MAP4K4: variants seen among roughly 807,000 people sequenced by gnomAD.
The protein encoded by MAP4K4 is mitogen-activated protein kinase kinase kinase kinase 4, also known as HPK/GCK-like kinase HGK.
A neutral mutation model predicts 189.6 loss-of-function variants in MAP4K4; 38 were observed. That is an observed-to-expected ratio of 0.20 (90% confidence interval 0.15 to 0.26). The LOEUF is 0.26. Among genes scored for constraint, MAP4K4 ranks in the 10% least tolerant of loss-of-function variants. MAP4K4 has a pLI of 1.00. For missense variants in MAP4K4, 1,054 were observed against 1,726.9 expected, an observed-to-expected ratio of 0.61 and a Z score of 6.91; for synonymous variants, 610 against 624.3, an observed-to-expected ratio of 0.98 and a Z score of 0.34.
At chr2:101,813,490 T>C (rs1354118899) in intron 3 of MAP4K4, among the ~76,000 whole-genome samples, 1 of 152,220 alleles carries the variant, frequency 6.6e-6, no homozygotes, top group Non-Finnish European at 1.5e-5. Context: ...TTTAATCACA[T>C]ATTGAAGATC....
At chr2:101,793,432 T>C (rs2093264396) in intron 3 of MAP4K4, among the ~76,000 whole-genome samples, 1 of 152,148 alleles carries the variant, frequency 6.6e-6, no homozygotes, top group Admixed American at 6.5e-5. Flanking sequence ...GTTGTAGGCA[T>C]TGGCCTGGCT....
At chr2:101,710,581 T>G (rs1486162046) in intron 2 of MAP4K4, among the ~76,000 whole-genome samples, 1 of 152,208 alleles carries the variant, frequency 6.6e-6, no homozygotes, top group Non-Finnish European at 1.5e-5. Context: ...TATGCCCTTG[T>G]GTAGCGTATA....
At chr2:101,806,523 G>A (rs1218353185) in intron 3 of MAP4K4, among the ~76,000 whole-genome samples, 2 of 151,990 alleles carry the variant, frequency 1.3e-5, no homozygotes, top group Non-Finnish European at 2.9e-5. Flanking sequence ...CTACAGGCAC[G>A]TGCCACCGTG....
intron 2 of MAP4K4, among the ~76,000 whole-genome samples, chr2:101,784,278 GTGTGTGTGTA>G (rs1373755613): frequency 2.7e-5 from 4 of 145,816 alleles, no homozygotes; most frequent in African/African-American, 1.1e-4. Flanking sequence ...GTGTGTGTGT[GTGTGTGTGTA>G]TGTGTGTGTG....
At chr2:101,874,038 T>A (rs1198260934) in intron 25 of MAP4K4, 44 bp from the exon 26 acceptor site, 1 of 1,316,562 alleles carries the variant, frequency 7.6e-7, no homozygotes, top group East Asian at 2.4e-5. Flanking sequence ...GCAGGCATAG[T>A]GTGTGTGTGT....
intron 13 of MAP4K4, among the ~76,000 whole-genome samples, chr2:101,857,923 G>A (rs2097527534): frequency 6.6e-6 from 1 of 152,174 alleles, no homozygotes; most frequent in African/African-American, 2.4e-5. Flanking sequence ...TCTTAAAAGG[G>A]AATCTGAATT....
chr2:101,785,724 CTCTCTCT>C (rs2148700176), intron 2 of MAP4K4, among the ~76,000 whole-genome samples: 8 of 7,688 alleles, frequency 1.0e-3, no homozygotes, highest in Non-Finnish European at 1.0e-3. Context: ...CTCTCTCTCT[CTCTCTCT>C]CTCTCTCTCT....
intron 2 of MAP4K4, among the ~76,000 whole-genome samples, chr2:101,787,239 G>A (rs1303447535): frequency 1.3e-5 from 2 of 152,176 alleles, no homozygotes; most frequent in Non-Finnish European, 2.9e-5. Flanking sequence ...ATGATGTATT[G>A]CTCATCTTCA....
At chr2:101,871,622 C>A (rs1404065651) in exon 24 of MAP4K4, 2 of 1,536,542 alleles carry the variant, frequency 1.3e-6, no homozygotes, top group East Asian at 2.4e-5. Flanking sequence ...CCTCCCCATC[C>A]TCCAGCCAGC....
chr2:101,717,870 A>T (rs2049284695), intron 2 of MAP4K4, among the ~76,000 whole-genome samples: 2 of 152,158 alleles, frequency 1.3e-5, no homozygotes, highest in African/African-American at 4.8e-5. Flanking sequence ...GAGTTTTGGA[A>T]TCAATGTGCT....
At chr2:101,718,871 A>G (rs2050082956) in intron 2 of MAP4K4, among the ~76,000 whole-genome samples, 1 of 152,180 alleles carries the variant, frequency 6.6e-6, no homozygotes, top group Admixed American at 6.5e-5. Flanking sequence ...TTCAATAGTA[A>G]GGAGTAGTAG....
chr2:101,767,359 T>C (rs910695304), intron 2 of MAP4K4, among the ~76,000 whole-genome samples: 1 of 152,180 alleles, frequency 6.6e-6, no homozygotes, highest in African/African-American at 2.4e-5. Flanking sequence ...AACCTGGCTT[T>C]TATTAGAATT....
chr2:101,797,659 A>G (rs1278408765), intron 3 of MAP4K4, among the ~76,000 whole-genome samples: 1 of 151,238 alleles, frequency 6.6e-6, no homozygotes, highest in Non-Finnish European at 1.5e-5. Flanking sequence ...CCACAAGTTT[A>G]TTTATTTATT....
intron 7 of MAP4K4, 112 bp from the exon 8 acceptor site, chr2:101,834,297 C>A (rs2096679461): frequency 1.7e-6 from 1 of 599,302 alleles, no homozygotes. Context: ...TTTTAATTTT[C>A]TGGCAAATTT....
intron 17 of MAP4K4, among the ~76,000 whole-genome samples, chr2:101,864,534 T>C (rs1342564492): frequency 1.3e-5 from 2 of 152,244 alleles, no homozygotes; most frequent in Admixed American, 6.5e-5. Flanking sequence ...GGAATTTGCT[T>C]CCTCTGAATA....
intron 2 of MAP4K4, among the ~76,000 whole-genome samples, chr2:101,738,550 T>C (rs891484871): frequency 1.3e-5 from 2 of 152,206 alleles, no homozygotes; most frequent in African/African-American, 4.8e-5. Context: ...AATCGACTTG[T>C]AGAGTGAAAG....
chr2:101,775,728 C>T (rs1054264557), intron 2 of MAP4K4, among the ~76,000 whole-genome samples: 6 of 152,120 alleles, frequency 3.9e-5, no homozygotes, highest in South Asian at 2.1e-4. Flanking sequence ...CTGTGTGCCC[C>T]GAGGCAGCCC....
At chr2:101,712,903 C>CTTTT (rs34317575) in intron 2 of MAP4K4, among the ~76,000 whole-genome samples, 1 of 130,548 alleles carries the variant, frequency 7.7e-6, no homozygotes, top group Non-Finnish European at 1.7e-5. Context: ...AAACCAAAAT[C>CTTTT]TTTTTTTTTT....
exon 1 of MAP4K4, chr2:101,698,061 T>C (rs769893068): frequency 7.5e-7 from 1 of 1,325,568 alleles, no homozygotes; most frequent in South Asian, 1.2e-5. Flanking sequence ...TTATTTGTTT[T>C]TTGGTGGCAA....
Sources: allele counts gnomAD v4.1 joint callset (sites outside exome capture counted in the v4.1 genomes callset), GRCh38; gene constraint gnomAD v4.1.1; transcripts MANE v1.5; gene names NCBI Gene and HGNC (gene_info 2026-07-23, HGNC 2026-07-21).